The following TCERG1L variants were observed in gnomAD, a reference collection of about 807,000 sequenced individuals.
The protein encoded by TCERG1L is transcription elongation regulator 1-like protein.
A neutral mutation model predicts 56.3 loss-of-function variants in TCERG1L; 37 were observed. That is an observed-to-expected ratio of 0.66 (90% confidence interval 0.51 to 0.87). The LOEUF (loss-of-function observed/expected upper bound fraction) is 0.87, where lower values mean the gene tolerates loss of function less well. TCERG1L is among the 40% of genes least tolerant of loss of function. The pLI, the probability that TCERG1L is intolerant of heterozygous loss-of-function variation, is 0.00. For missense variants in TCERG1L, 799 were observed against 774.2 expected, an observed-to-expected ratio of 1.03 and a Z score of -0.38; for synonymous variants, 324 against 326.3, an observed-to-expected ratio of 0.99 and a Z score of 0.08.
At chr10:131,181,558 G>C (rs1002722901) in intron 4 of TCERG1L, among the ~76,000 whole-genome samples, 20 of 152,358 alleles carry the variant, frequency 1.3e-4, no homozygotes, top group African/African-American at 4.6e-4. Flanking sequence ...TGTGCCCCTG[G>C]CAGGGCTCAT....
At chr10:131,102,719 G>A (rs753991353) in intron 10 of TCERG1L, among the ~76,000 whole-genome samples, 2 of 152,092 alleles carry the variant, frequency 1.3e-5, no homozygotes, top group African/African-American at 4.8e-5. Context: ...AGGGCAAGAC[G>A]TGACCGCACA....
In TCERG1L at chr10:131,093,281, C is replaced by T; in HGVS notation, c.1642G>A (p.Asp548Asn). 1 of 1,613,978 alleles carries T rather than the reference C, an allele frequency of 6.2e-7. No homozygotes were observed. Residue 548 changes from aspartate to asparagine, a missense_variant, in exon 12 of 12, where the codon GAT becomes AAT. Coordinates refer to ENST00000368642, the MANE Select transcript of TCERG1L (RefSeq NM_174937.4). The stretch of plus-strand genomic sequence containing the variant: ...TTTTGAACAAGTCGGAACCTCTGAT[C>T]CCGGCCGTATTTCTCTGCAAACTCC... ...FKEFAEKYGR[D>N]QRFRLVQKRK...
At chr10:131,119,688 A>G (rs1454763290) in intron 8 of TCERG1L, among the ~76,000 whole-genome samples, 3 of 152,212 alleles carry the variant, frequency 2.0e-5, no homozygotes, top group African/African-American at 7.2e-5. Flanking sequence ...AGCTAAATAT[A>G]TTTTTGATAT....
At chr10:131,219,658 C>T (rs952204305) in intron 4 of TCERG1L, among the ~76,000 whole-genome samples, 2 of 152,224 alleles carry the variant, frequency 1.3e-5, no homozygotes, top group Admixed American at 6.5e-5. Flanking sequence ...GGCCCCAGGG[C>T]CTTCCCTTCC....
chr10:131,273,424 G>A (rs1051769350), intron 3 of TCERG1L, among the ~76,000 whole-genome samples: 45 of 152,304 alleles, frequency 3.0e-4, no homozygotes, highest in African/African-American at 1.0e-3. Flanking sequence ...AAAGCCCCGG[G>A]CTTTGCTGCC....
chr10:131,229,818 A>C (rs542324888), intron 4 of TCERG1L, among the ~76,000 whole-genome samples: 1 of 152,248 alleles, frequency 6.6e-6, no homozygotes, highest in African/African-American at 2.4e-5. Flanking sequence ...GCATAGGGTA[A>C]GTAACCTTAA....
At position 131,298,438 on chromosome 10, in the gene TCERG1L, G is replaced by A. The variant is rs188533273; in HGVS notation, c.670+9773C>T. On this transcript the variant is annotated intron_variant, in intron 3 of 11. Transcript: ENST00000368642. ...TGTGTAAACTTTTTTTTTTGAGACA[G>A]AGTCTCACTCTGTTGCCCAGGCTGG... Among the ~76,000 whole-genome samples, 729 of 151,870 alleles carry A rather than the reference G, an allele frequency of 4.8e-3. 6 individuals are homozygous for A. Among genetic ancestry groups the A allele is most frequent in the Middle Eastern group, 6.8e-3 (2 of 294 alleles).
At chr10:131,304,573 C>T (rs1030051719) in intron 3 of TCERG1L, among the ~76,000 whole-genome samples, 4 of 152,104 alleles carry the variant, frequency 2.6e-5, no homozygotes, top group Non-Finnish European at 5.9e-5. Flanking sequence ...CCTGCCTGTC[C>T]AGCCCTGAAT....
intron 4 of TCERG1L, among the ~76,000 whole-genome samples, chr10:131,204,796 G>A (rs1446558958): frequency 6.6e-6 from 1 of 152,234 alleles, no homozygotes; most frequent in African/African-American, 2.4e-5. Context: ...CTGGCCCCAG[G>A]CAGAACAGGT....
At chr10:131,122,982 G>T (rs548043823) in intron 8 of TCERG1L, among the ~76,000 whole-genome samples, 1 of 152,294 alleles carries the variant, frequency 6.6e-6, no homozygotes, top group East Asian at 1.9e-4. Context: ...ATTTCCAAGG[G>T]GTCCTCCCAA....
At chr10:131,270,020 G>GT (rs1846324847) in intron 3 of TCERG1L, among the ~76,000 whole-genome samples, 1 of 152,044 alleles carries the variant, frequency 6.6e-6, no homozygotes. Context: ...ATCCAAATCC[G>GT]TTTACTGATA....
At chr10:131,247,546 A>G (rs374840127) in intron 4 of TCERG1L, among the ~76,000 whole-genome samples, 1 of 142,790 alleles carries the variant, frequency 7.0e-6, no homozygotes, top group Non-Finnish European at 1.6e-5. Context: ...AATGTGAGAT[A>G]AGGCTTCTGT....
intron 7 of TCERG1L, among the ~76,000 whole-genome samples, chr10:131,140,564 C>T (rs1845725751): frequency 6.6e-6 from 1 of 152,188 alleles, no homozygotes; most frequent in Non-Finnish European, 1.5e-5. Context: ...AGCACTCAGG[C>T]TCAGCATCTT....
intron 3 of TCERG1L, among the ~76,000 whole-genome samples, chr10:131,289,466 G>GGT (rs373770887): frequency 1.3e-5 from 2 of 150,194 alleles, no homozygotes; most frequent in African/African-American, 4.9e-5. Flanking sequence ...ATCTCTTATC[G>GGT]GTGTGTGTGT....
intron 4 of TCERG1L, among the ~76,000 whole-genome samples, chr10:131,190,252 A>G (rs1845289631): frequency 6.6e-6 from 1 of 151,950 alleles, no homozygotes; most frequent in African/African-American, 2.4e-5. Context: ...AGCACACCAA[A>G]AAACAAGCAG....
At chr10:131,214,924 T>C (rs893507) in intron 4 of TCERG1L, among the ~76,000 whole-genome samples, 26,620 of 152,250 alleles carry the variant, frequency 0.17, 2,730 homozygotes, top group African/African-American at 0.27. Flanking sequence ...TCTAAGGCCT[T>C]TGTGAAGCTC....
chr10:131,248,227 T>G, intron 4 of TCERG1L, among the ~76,000 whole-genome samples: 1 of 143,856 alleles, frequency 7.0e-6, no homozygotes, highest in South Asian at 2.2e-4. Flanking sequence ...CACACACAAC[T>G]CACACACACA....
chr10:131,114,639 C>T (rs1845438053), intron 9 of TCERG1L, among the ~76,000 whole-genome samples: 1 of 152,104 alleles, frequency 6.6e-6, no homozygotes, highest in Non-Finnish European at 1.5e-5. Flanking sequence ...ATCTCTCAAC[C>T]AAGGCCATTT....
rs373606758 is a variant in TCERG1L, at chr10:131,116,862, C to T, written c.1332G>A (p.Pro444=). ...GCTCCTCCAGAGGCAGGAGGATCTG[C>T]GGGGGCGGCGTCCTTGTGCCTTTGT... ...REDKGTRTPP[P]QILLPLEERV... is the part of the protein sequence containing the mutation. The change falls in exon 9 of 12, where the codon CCG becomes CCA. Residue 444 remains proline, a synonymous_variant. Coordinates refer to ENST00000368642, the MANE Select transcript of TCERG1L (RefSeq NM_174937.4). The T allele has an allele frequency of 7.5e-4, 1,198 of 1,588,692 alleles. 20 individuals are homozygous for T. In the South Asian group the frequency reaches 0.013, roughly 17 times the overall value.
Sources: allele counts gnomAD v4.1 joint callset (sites outside exome capture counted in the v4.1 genomes callset), GRCh38; gene constraint gnomAD v4.1.1; transcripts MANE v1.5; gene names NCBI Gene and HGNC (gene_info 2026-07-23, HGNC 2026-07-21).